The following CCL26 variants were observed in gnomAD, a reference collection of about 807,000 sequenced individuals.
CCL26 encodes the protein C-C motif chemokine 26.
CCL26 carries 10 observed loss-of-function variants against 10.7 expected under a neutral mutation model. The observed-to-expected ratio is 0.93, with a 90% CI of 0.57 to 1.58. CCL26 has a LOEUF of 1.58. CCL26 is among the 40% of genes most tolerant of loss of function. The probability of loss-of-function intolerance (pLI) is 0.00; values close to 1 mark genes in which losing one functional copy is unlikely to be tolerated. For missense variants in CCL26, 116 were observed against 111.0 expected, an observed-to-expected ratio of 1.05 and a Z score of -0.20; for synonymous variants, 43 against 41.4, an observed-to-expected ratio of 1.04 and a Z score of -0.15.
chr7:75,779,799 G>T (rs563292663), intron 1 of CCL26, among the ~76,000 whole-genome samples: 182 of 152,248 alleles, frequency 1.2e-3, no homozygotes, highest in African/African-American at 4.2e-3. Context: ...CGCCTGCTTT[G>T]GCTGCTCACC....
At chr7:75,771,491 C>G (rs529557201) in intron 2 of CCL26, among the ~76,000 whole-genome samples, 1 of 152,108 alleles carries the variant, frequency 6.6e-6, no homozygotes, top group Admixed American at 6.6e-5. Context: ...GAGGCTGAGG[C>G]GGGCAAATCA....
At chr7:75,776,504 G>A (rs1554528712), upstream of CCL26, among the ~76,000 whole-genome samples, 1 of 147,680 alleles carries the variant, frequency 6.8e-6, no homozygotes, top group Non-Finnish European at 1.5e-5. Context: ...TTGCATCACT[G>A]CACTCCAAAA....
At chr7:75,791,052 G>A (rs1327815860), upstream of CCL26, among the ~76,000 whole-genome samples, 1 of 140,826 alleles carries the variant, frequency 7.1e-6, no homozygotes, top group Admixed American at 7.4e-5. Flanking sequence ...TTGAGACAGA[G>A]TCTTGCTCTT....
chr7:75,770,347 G>C (rs956987990), intron 2 of CCL26, among the ~76,000 whole-genome samples: 1 of 152,070 alleles, frequency 6.6e-6, no homozygotes, highest in Non-Finnish European at 1.5e-5. Context: ...TGGGATAACA[G>C]GTGTGAGCCA....
At chr7:75,786,941 T>C (rs1293553586) in intron 1 of CCL26, among the ~76,000 whole-genome samples, 2 of 152,214 alleles carry the variant, frequency 1.3e-5, no homozygotes, top group African/African-American at 2.4e-5. Context: ...GGAAATCATT[T>C]ATCAGGGTTC....
rs1186207338 is a variant in CCL26 at position 75,778,628 on chromosome 7, CT to C, written c.-78-6375del. 1.6e-3 allele frequency among the ~76,000 whole-genome samples: 206 copies of C among 129,518 alleles called. 1 individual carries two copies. Among genetic ancestry groups the C allele is most frequent in the Middle Eastern group, 4.3e-3 (1 of 232 alleles). 85.0% of individuals were successfully genotyped at this position (129,518 alleles called of 152,430 possible). A position where few individuals can be genotyped will look rare whatever the true frequency, so the allele number is the denominator to read the frequency against. On this transcript the variant is annotated intron_variant, in intron 1 of 3. Transcript: ENST00000394905. ...AAATGTCTATTAAGGGTTCTTTGCA[CT>C]TTTTTTTTTTTTTTTGAGACAGAGT...
At position 75,770,092 on chromosome 7, in the gene CCL26, C is replaced by T. The variant is rs557670275; in HGVS notation, c.189-303G>A. On this transcript the variant is annotated intron_variant, in intron 2 of 2. Coordinates refer to ENST00000005180, the MANE Select transcript of CCL26 (RefSeq NM_001371938.1). ...TAATTTTTTTTTTTTTTTTTTGAGACGAACTCTCACTCTGTTGCCCACATT... is the reference window on the plus strand; with the variant it reads ...TAATTTTTTTTTTTTTTTTTTGAGATGAACTCTCACTCTGTTGCCCACATT... 6.6e-4 allele frequency among the ~76,000 whole-genome samples: 97 copies of T among 146,468 alleles called. 1 individual carries two copies. The highest frequency in any genetic ancestry group is 2.2e-3 in the African/African-American group (89 of 39,752).
intron 1 of CCL26, among the ~76,000 whole-genome samples, chr7:75,783,617 C>G (rs2115683459): frequency 6.7e-6 from 1 of 149,360 alleles, no homozygotes; most frequent in South Asian, 2.1e-4. Flanking sequence ...GAAACCCCAT[C>G]TCTACTAAAA....
chr7:75,781,374 C>T (rs782491305), intron 1 of CCL26, among the ~76,000 whole-genome samples: 1 of 152,218 alleles, frequency 6.6e-6, no homozygotes, highest in Non-Finnish European at 1.5e-5. Context: ...AACTCCTGAA[C>T]CGCAGCTGCC....
intron 1 of CCL26, among the ~76,000 whole-genome samples, chr7:75,786,189 T>C (rs143766166): frequency 0.031 from 4,733 of 152,278 alleles, 96 homozygotes; most frequent in Middle Eastern, 0.075. Context: ...AACACCTGAC[T>C]CCCATGACTG....
Sources: gnomAD v4.1 joint callset for allele counts (sites outside exome capture counted in the v4.1 genomes callset) on GRCh38, gnomAD v4.1.1 for gene constraint, MANE v1.5 for transcripts, NCBI Gene and HGNC (gene_info 2026-07-23, HGNC 2026-07-21) for gene names.